The following NDP variants were observed in gnomAD, a reference collection of about 807,000 sequenced individuals.
NDP encodes the protein norrin cystine knot growth factor NDP, also known as norrin.
Under a neutral mutation model 8.4 loss-of-function variants are expected in NDP, and 2 were observed. The observed-to-expected ratio is 0.24, with a 90% CI of 0.10 to 0.75. NDP has a LOEUF of 0.75. Among genes scored for constraint, NDP ranks in the 30% least tolerant of loss-of-function variants. The probability of loss-of-function intolerance (pLI) is 0.73; values close to 1 mark genes in which losing one functional copy is unlikely to be tolerated. For synonymous variants in NDP, 55 were observed against 45.6 expected (o/e 1.21, Z -0.83); for missense variants, 81 against 110.1 (o/e 0.74, Z 1.18).
intron 1 of NDP, among the ~76,000 whole-genome samples, chrX:43,963,371 C>G (rs780682131): frequency 2.0e-4 from 22 of 111,264 alleles, no homozygotes; most frequent in Non-Finnish European, 4.0e-4. Flanking sequence ...GATAAACTCT[C>G]TGAACATCTA....
chrX:43,965,667 G>A lies in NDP; in HGVS notation c.-207-6815C>T, dbSNP rs750678232. Among the ~76,000 whole-genome samples, 148 of 111,362 alleles carry A rather than the reference G, an allele frequency of 1.3e-3. 3 individuals carry two copies. The Admixed American group carries it at 0.014, about 11-fold the overall frequency. On this transcript the variant is annotated intron_variant, in intron 1 of 2. Coordinates refer to ENST00000642620, the MANE Select transcript of NDP (RefSeq NM_000266.4). ...ACCCTCTTGCACCTTTCTTTTGAAA[G>A]ACGCTTATTTCTTAACTGAGCTTGA... is the stretch of plus-strand genomic sequence containing the variant.
At chrX:43,969,180 C>T (rs1370081043) in intron 1 of NDP, among the ~76,000 whole-genome samples, 1 of 111,430 alleles carries the variant, frequency 9.0e-6, no homozygotes, top group African/African-American at 3.3e-5. Context: ...AGAAAAAATC[C>T]CGCCCCATCT....
At chrX:43,962,151 C>T (rs2035829832) in intron 1 of NDP, among the ~76,000 whole-genome samples, 1 of 111,234 alleles carries the variant, frequency 9.0e-6, no homozygotes, top group African/African-American at 3.3e-5. Flanking sequence ...GAGTTGTTGC[C>T]CAGTTTTTAT....
Position 43,958,580 on chromosome X carries a change from T to C in NDP, c.66A>G (p.Thr22=). The C allele has an allele frequency of 8.3e-7, 1 of 1,211,254 alleles. No individual in the cohort carries two copies. The highest frequency in any genetic ancestry group is 1.1e-6 in the Non-Finnish European group (1 of 894,686). Residue 22 remains threonine (T), a synonymous_variant, in exon 2 of 3, where the codon ACA becomes ACG. Coordinates refer to ENST00000642620, the MANE Select transcript of NDP (RefSeq NM_000266.4). ...MLSLLVIMGD[T]DSKTDSSFIM... The stretch of plus-strand genomic sequence containing the variant: ...TGAATGAGCTGTCCGTTTTACTGTC[T>C]GTATCTCCCATTATCACCAGCAGGG...
At chrX:43,965,882 C>T (rs2035855294) in intron 1 of NDP, among the ~76,000 whole-genome samples, 1 of 111,235 alleles carries the variant, frequency 9.0e-6, no homozygotes. Context: ...TTCCAGAAGC[C>T]CTGGGCTGAG....
At chrX:43,965,601 A>G (rs2147212852) in intron 1 of NDP, among the ~76,000 whole-genome samples, 1 of 111,532 alleles carries the variant, frequency 9.0e-6, no homozygotes, top group East Asian at 2.8e-4. Context: ...TGCTAGGATT[A>G]GACTTCTTGC....
At chrX:43,965,910 T>TTG (rs1211854278) in intron 1 of NDP, among the ~76,000 whole-genome samples, 1 of 111,121 alleles carries the variant, frequency 9.0e-6, no homozygotes, top group African/African-American at 3.3e-5. Context: ...TCTAAAAGAG[T>TTG]TGACCACTTG....
intron 1 of NDP, among the ~76,000 whole-genome samples, chrX:43,967,158 G>A (rs751899492): frequency 1.8e-5 from 2 of 111,189 alleles, no homozygotes; most frequent in Non-Finnish European, 3.8e-5. Context: ...CTGCAGCTAT[G>A]TCTATGTCTT....
At chrX:43,961,048 C>A (rs2035823475) in intron 1 of NDP, among the ~76,000 whole-genome samples, 1 of 112,243 alleles carries the variant, frequency 8.9e-6, no homozygotes, top group Non-Finnish European at 1.9e-5. Context: ...ATATAAAGGG[C>A]CCTTAAAGAT....
At chrX:43,951,842 T>A (rs996426868) in intron 2 of NDP, among the ~76,000 whole-genome samples, 5 of 112,370 alleles carry the variant, frequency 4.4e-5, no homozygotes, top group Non-Finnish European at 7.5e-5. Flanking sequence ...ACCAGTGAAT[T>A]TATTTTCTCT....
intron 2 of NDP, among the ~76,000 whole-genome samples, chrX:43,957,224 G>A (rs1207059247): frequency 9.0e-6 from 1 of 111,219 alleles, no homozygotes; most frequent in African/African-American, 3.3e-5. Context: ...CACAATTTCT[G>A]AGCAATCACA....
chrX:43,950,214 T>C (rs2035753165), intron 2 of NDP, 188 bp from the exon 3 acceptor site: 2 of 457,820 alleles, frequency 4.4e-6, no homozygotes, highest in Admixed American at 3.3e-5. Flanking sequence ...ATTAAAATCC[T>C]TGGAGATAGG....
At chrX:43,954,226 G>A (rs866656509) in intron 2 of NDP, among the ~76,000 whole-genome samples, 1 of 111,038 alleles carries the variant, frequency 9.0e-6, no homozygotes, top group African/African-American at 3.3e-5. Context: ...TCATAACTCC[G>A]CTCATCTTCA....
intron 1 of NDP, among the ~76,000 whole-genome samples, chrX:43,965,754 AAGAT>A (rs1171559538): frequency 1.8e-5 from 2 of 111,830 alleles, no homozygotes; most frequent in African/African-American, 6.5e-5. Flanking sequence ...ATAGAAGAGA[AAGAT>A]TGATTAGAAA....
chrX:43,970,641 G>A (rs2035886529), intron 1 of NDP, among the ~76,000 whole-genome samples: 1 of 111,452 alleles, frequency 9.0e-6, no homozygotes, highest in Non-Finnish European at 1.9e-5. Flanking sequence ...CTTCTTCCCA[G>A]GGGCCTCTTG....
chrX:43,968,498 T>C (rs1386808665), intron 1 of NDP, among the ~76,000 whole-genome samples: 1 of 112,574 alleles, frequency 8.9e-6, no homozygotes, highest in Non-Finnish European at 1.9e-5. Flanking sequence ...TGCACACACA[T>C]AGGGGTTTCG....
intron 1 of NDP, among the ~76,000 whole-genome samples, chrX:43,969,905 G>A (rs751106903): frequency 1.8e-5 from 2 of 111,928 alleles, no homozygotes; most frequent in South Asian, 3.8e-4. Flanking sequence ...CAGGACTGGC[G>A]GGAGGAGGTG....
intron 1 of NDP, among the ~76,000 whole-genome samples, chrX:43,962,361 G>A (rs1040843891): frequency 1.8e-5 from 2 of 108,257 alleles, no homozygotes; most frequent in African/African-American, 3.4e-5. Context: ...TAAGAAAAGA[G>A]CAATGCTAAG....
intron 2 of NDP, among the ~76,000 whole-genome samples, chrX:43,955,399 C>A (rs1036043120): frequency 1.8e-5 from 2 of 111,983 alleles, no homozygotes; most frequent in Admixed American, 9.4e-5. Context: ...AACTGAGGCA[C>A]AAAGAAGGAA....
Sources: allele counts gnomAD v4.1 joint callset (sites outside exome capture counted in the v4.1 genomes callset), GRCh38; gene constraint gnomAD v4.1.1; transcripts MANE v1.5; gene names NCBI Gene and HGNC (gene_info 2026-07-23, HGNC 2026-07-21).